Variants in FMN1 observed in about 807,000 individuals in gnomAD.
The protein encoded by FMN1 is formin-1.
In FMN1, 110 loss-of-function variants were observed where a neutral mutation model predicts 132.4. That is an observed-to-expected ratio of 0.83 (90% CI 0.71 to 0.97). The LOEUF (loss-of-function observed/expected upper bound fraction) is 0.97, where lower values mean the gene tolerates loss of function less well. Ranked by LOEUF, FMN1 falls within the 50% of genes least tolerant of loss-of-function variation. The pLI, the probability that FMN1 is intolerant of heterozygous loss-of-function variation, is 0.00. For missense variants in FMN1, 1,792 were observed against 1,705.3 expected, an observed-to-expected ratio of 1.05 and a Z score of -0.90; for synonymous variants, 722 against 651.7, an observed-to-expected ratio of 1.11 and a Z score of -1.64.
intron 5 of FMN1, among the ~76,000 whole-genome samples, chr15:33,075,554 TGAGAA>T (rs2038175853): frequency 1.3e-5 from 2 of 152,296 alleles, no homozygotes; most frequent in South Asian, 4.1e-4. Flanking sequence ...CTGTGTCACT[TGAGAA>T]GAGAATAAAG....
chr15:33,068,040 C>T (rs879042395), intron 5 of FMN1: 30 of 1,434,918 alleles, frequency 2.1e-5, no homozygotes, highest in African/African-American at 4.3e-5. Context: ...TGGTCTCTTT[C>T]GGGTCACAGT....
intron 16 of FMN1, 141 bp downstream of exon 16, chr15:32,888,031 A>C (rs12595237): frequency 1.2e-4 from 71 of 596,866 alleles, no homozygotes; most frequent in Middle Eastern, 4.5e-4. Flanking sequence ...GTAGAGAAGG[A>C]AAGTTTCCTG....
chr15:32,844,189 C>A (rs1234041308), intron 17 of FMN1, among the ~76,000 whole-genome samples: 1 of 152,174 alleles, frequency 6.6e-6, no homozygotes, highest in African/African-American at 2.4e-5. Context: ...TGGGGTGTTA[C>A]AGTGATTAAC....
chr15:33,015,083 C>T (rs190700946), intron 6 of FMN1, among the ~76,000 whole-genome samples: 279 of 152,294 alleles, frequency 1.8e-3, no homozygotes, highest in Middle Eastern at 3.4e-3. Flanking sequence ...AAACCACATG[C>T]TAGTTAAGTG....
intron 17 of FMN1, among the ~76,000 whole-genome samples, chr15:32,811,941 A>G (rs571769958): frequency 5.3e-5 from 8 of 152,178 alleles, no homozygotes; most frequent in African/African-American, 1.9e-4. Flanking sequence ...GAGCCACCAC[A>G]CCCAGCCTTT....
intron 18 of FMN1, among the ~76,000 whole-genome samples, chr15:32,802,245 A>G (rs180769568): frequency 6.6e-6 from 1 of 152,334 alleles, no homozygotes; most frequent in Admixed American, 6.5e-5. Flanking sequence ...TAATTCAGCC[A>G]AACATTTTTA....
chr15:32,889,128 A>G (rs1263635920), intron 15 of FMN1, among the ~76,000 whole-genome samples: 22 of 152,146 alleles, frequency 1.4e-4, no homozygotes, highest in South Asian at 4.1e-4. Flanking sequence ...AATTCTTCAT[A>G]TATTTGAAAA....
Position 32,900,045 on chromosome 15 carries a change from C to G in FMN1, c.3588G>C (p.Arg1196Ser), listed in dbSNP as rs754617571. 3 of 1,613,724 alleles carry G rather than the reference C, an allele frequency of 1.9e-6. No homozygotes were observed. The highest frequency in any genetic ancestry group is 1.3e-5 in the African/African-American group (1 of 74,912). ...TATATCCATCGGCTTGTCCCCGAGT[C>G]CTATTTCCTCCATTCATATAATTTC... ...AFGNYMNGGNRTRGQADGYSL... is the reference protein window; with the variant it reads ...AFGNYMNGGNSTRGQADGYSL... The change falls in exon 14 of 21, where the codon AGG (arginine) becomes AGC (serine). Residue 1196 changes from arginine (R) to serine (S), a missense_variant. Transcript: ENST00000616417.
At position 33,154,809 on chromosome 15, in the gene FMN1, C is replaced by A; in HGVS notation, c.106G>T (p.Gly36Cys). ...KGEVRGFSYK[G>C]TVTLDRSNKG... is the part of the protein sequence containing the mutation. ...TTGGATCTGTCTAGAGTTACAGTGC[C>A]CTTGTATGAAAATCCTCTGACTTCC... Residue 36 changes from glycine to cysteine, a missense_variant, in exon 4 of 21, where the codon GGC becomes TGC. Physicochemically the swap from Gly to Cys is radical, Grantham distance 159. Coordinates refer to ENST00000616417, the MANE Select transcript of FMN1 (RefSeq NM_001277313.2). 6.5e-7 allele frequency: 1 copy of A among 1,536,072 alleles called. No homozygotes were observed. Among genetic ancestry groups the A allele is most frequent in the Non-Finnish European group, 8.7e-7 (1 of 1,146,900 alleles).
At position 32,968,980 on chromosome 15, in the gene FMN1, A is replaced by G. The variant is rs370803594; in HGVS notation, c.2721T>C (p.Pro907=). 1 of 974,048 alleles carries G rather than the reference A, an allele frequency of 1.0e-6. No homozygotes were observed. Among genetic ancestry groups the G allele is most frequent in the Admixed American group, 2.5e-5 (1 of 39,860 alleles). 60.3% of individuals were successfully genotyped at this position (974,048 alleles called of 1,614,324 possible). A position where few individuals can be genotyped will look rare whatever the true frequency, so the allele number is the denominator to read the frequency against. ...VSAGPPLPPP[P]PPPPPLPPPS... is the part of the protein sequence containing the mutation. Reference sequence around the variant, plus strand: ...GTGGAGGTAGAGGTGGCGGTGGAGGAGGCGGAGGTGGTAGCGGTGGCCCAG... The same window carrying G: ...GTGGAGGTAGAGGTGGCGGTGGAGGGGGCGGAGGTGGTAGCGGTGGCCCAG... The change falls in exon 8 of 21, where the codon CCT becomes CCC. Residue 907 remains proline (P), a synonymous_variant. Coordinates refer to ENST00000616417, the MANE Select transcript of FMN1 (RefSeq NM_001277313.2).
chr15:32,785,938 T>C (rs969179234), intron 19 of FMN1, among the ~76,000 whole-genome samples: 6 of 152,168 alleles, frequency 3.9e-5, no homozygotes, highest in African/African-American at 1.4e-4. Context: ...AGCTATAATA[T>C]GAATCTCTTT....
intron 6 of FMN1, among the ~76,000 whole-genome samples, chr15:33,050,704 A>G (rs1253410193): frequency 6.6e-6 from 1 of 152,212 alleles, no homozygotes; most frequent in Non-Finnish European, 1.5e-5. Context: ...AGGACACAAC[A>G]ATTCCACTTC....
intron 11 of FMN1, among the ~76,000 whole-genome samples, chr15:32,909,463 CTGATACATATAAAGATG>C (rs2060505493): frequency 6.6e-6 from 1 of 152,188 alleles, no homozygotes; most frequent in Admixed American, 6.5e-5. Context: ...TAAGTAGCTC[CTGATACATATAAAGATG>C]TGAAAATGAG....
Position 33,088,957 on chromosome 15 carries a change from A to G in FMN1, c.1885T>C (p.Phe629Leu), listed in dbSNP as rs142471957. ...TGCTCATTGAAGCCGTCCCAGGGAA[A>G]GCCCTCAGAGGAGATACCTAAACAA... ...QSPPGISSEG[F>L]PWDGFNEQTP... is the part of the protein sequence containing the mutation. The change falls in exon 5 of 21, where the codon TTT (phenylalanine) becomes CTT (leucine). Residue 629 changes from phenylalanine (F) to leucine (L), a missense_variant. By Grantham distance (22) the Phe-to-Leu change is conservative. Coordinates refer to ENST00000616417, the MANE Select transcript of FMN1 (RefSeq NM_001277313.2). 1.3e-6 allele frequency: 2 copies of G among 1,535,646 alleles called. No homozygotes were observed. Among genetic ancestry groups the G allele is most frequent in the Non-Finnish European group, 1.7e-6 (2 of 1,146,762 alleles).
intron 6 of FMN1, among the ~76,000 whole-genome samples, chr15:33,030,112 T>G (rs1415962980): frequency 6.6e-6 from 1 of 152,210 alleles, no homozygotes; most frequent in Non-Finnish European, 1.5e-5. Context: ...CAGCTGAGAT[T>G]GCACCACTGC....
At chr15:32,949,760 GAACA>G (rs1185277647) in intron 9 of FMN1, among the ~76,000 whole-genome samples, 4 of 150,902 alleles carry the variant, frequency 2.7e-5, no homozygotes, top group Non-Finnish European at 4.4e-5. Context: ...TCAACAGAGT[GAACA>G]GACAACCTAC....
intron 5 of FMN1, among the ~76,000 whole-genome samples, chr15:33,084,130 A>G (rs369802856): frequency 3.2e-4 from 48 of 152,346 alleles, no homozygotes; most frequent in African/African-American, 1.1e-3. Context: ...TATTCAGTCA[A>G]GCAGCCCACA....
In FMN1 at chr15:32,901,888, T is replaced by G. The variant is rs2060305772; in HGVS notation, c.3507+23A>C. The G allele has an allele frequency of 2.5e-6, 4 of 1,588,184 alleles. No homozygotes were observed. In the Admixed American group the frequency reaches 7.4e-5, roughly 29 times the overall value. On this transcript the variant is annotated intron_variant, in intron 13 of 20. Coordinates refer to ENST00000616417, the MANE Select transcript of FMN1 (RefSeq NM_001277313.2). ...TTTACTCTTCAGAGCAAGGCTATCT[T>G]TTAAATTAGACAGTAAACATACCTT...
At chr15:33,010,236 T>C (rs1566821401) in intron 6 of FMN1, among the ~76,000 whole-genome samples, 2 of 152,116 alleles carry the variant, frequency 1.3e-5, no homozygotes, top group Admixed American at 6.5e-5. Flanking sequence ...ATAGCATTTA[T>C]ATGACATCTA....
Sources: gnomAD v4.1 joint callset for allele counts (sites outside exome capture counted in the v4.1 genomes callset) on GRCh38, gnomAD v4.1.1 for gene constraint, MANE v1.5 for transcripts, NCBI Gene and HGNC (gene_info 2026-07-23, HGNC 2026-07-21) for gene names.